The following BRD1 variants were observed in gnomAD, a reference collection of about 807,000 sequenced individuals.
The protein encoded by BRD1 is bromodomain-containing protein 1.
In BRD1, 24 loss-of-function variants were observed where a neutral mutation model predicts 107.7. The observed-to-expected ratio is 0.22, with a 90% CI of 0.16 to 0.31. The LOEUF (loss-of-function observed/expected upper bound fraction) is 0.31, where lower values mean the gene tolerates loss of function less well. BRD1 is among the 10% of genes least tolerant of loss of function. The pLI is 1.00. For missense variants in BRD1, 1,279 were observed against 1,638.6 expected (o/e 0.78, Z 3.79); for synonymous variants, 744 against 686.1 (o/e 1.08, Z -1.32).
intron 6 of BRD1, among the ~76,000 whole-genome samples, chr22:49,796,343 C>T (rs1231984172): frequency 3.3e-5 from 5 of 150,142 alleles, no homozygotes; most frequent in Non-Finnish European, 5.9e-5. Flanking sequence ...ATCCACCCGC[C>T]TCGGCCTCTC....
intron 8 of BRD1, among the ~76,000 whole-genome samples, chr22:49,782,818 G>A (rs993579194): frequency 2.2e-5 from 3 of 138,494 alleles, no homozygotes; most frequent in South Asian, 2.4e-4. Context: ...CAGCTGGGAC[G>A]GTCAGAGACA....
At chr22:49,818,692 C>T (rs2060003577) in intron 2 of BRD1, among the ~76,000 whole-genome samples, 1 of 152,050 alleles carries the variant, frequency 6.6e-6, no homozygotes, top group South Asian at 2.1e-4. Context: ...TCAAGACCAT[C>T]CTGGCTAACA....
chr22:49,797,861 A>G lies in BRD1; in HGVS notation c.2042T>C (p.Met681Thr), dbSNP rs1281657658. 1.2e-6 allele frequency: 2 copies of G among 1,612,772 alleles called. No homozygotes were observed. Among genetic ancestry groups the G allele is most frequent in the Non-Finnish European group, 1.7e-6 (2 of 1,179,886 alleles). Residue 681 changes from methionine to threonine, a missense_variant, in exon 6 of 13, where the codon ATG becomes ACG. Met to Thr is a moderately conservative substitution (Grantham distance 81, BLOSUM62 -1). Transcript: ENST00000404760. ...CGCAGCAGGCCGCTCAGGCAGGTGCATCCCCGAGGCCTCTTCCAAGCCGAT... is the reference window on the plus strand; with the variant it reads ...CGCAGCAGGCCGCTCAGGCAGGTGCGTCCCCGAGGCCTCTTCCAAGCCGAT... ...DSIGLEEASG[M>T]HLPERPAAAP...
At chr22:49,777,220 G>A (rs1569082361) in intron 9 of BRD1, 59 bp from the exon 10 acceptor site, 8 of 1,597,068 alleles carry the variant, frequency 5.0e-6, no homozygotes, top group African/African-American at 4.0e-5. Context: ...GCCTCACTCG[G>A]GCTTCGTCCC....
At chr22:49,775,521 C>A in intron 12 of BRD1, 70 bp downstream of exon 12, 1 of 1,291,040 alleles carries the variant, frequency 7.7e-7, no homozygotes, top group Non-Finnish European at 9.9e-7. Flanking sequence ...CACAGGGACA[C>A]TCAGGTCACC....
At chr22:49,775,354 G>A (rs2059060520) in intron 12 of BRD1, 1 of 345,282 alleles carries the variant, frequency 2.9e-6, no homozygotes, top group African/African-American at 2.1e-5. Flanking sequence ...GCGAGAGGGA[G>A]AGGAAGCCAT....
chr22:49,827,468 C>T (rs902201708), intron 1 of BRD1, 29 bp downstream of exon 1: 2 of 143,954 alleles, frequency 1.4e-5, no homozygotes, highest in Non-Finnish European at 3.1e-5. Context: ...GGCGGGGAGG[C>T]CTCCCCGGCC....
intron 2 of BRD1, among the ~76,000 whole-genome samples, chr22:49,822,705 G>A (rs1055238087): frequency 3.3e-5 from 5 of 151,482 alleles, no homozygotes; most frequent in African/African-American, 7.3e-5. Context: ...GTAAAACTCC[G>A]TCTCCAAAAA....
intron 2 of BRD1, chr22:49,805,870 T>C (rs2059735193): frequency 6.6e-6 from 1 of 152,056 alleles, no homozygotes; most frequent in African/African-American, 2.4e-5. Context: ...GCCTCCCTAG[T>C]AGCTGGGACT....
At position 49,787,499 on chromosome 22, in the gene BRD1, A is replaced by G. The variant is rs17854473; in HGVS notation, c.2748T>C (p.Ser916=). 1.9e-6 allele frequency: 3 copies of G among 1,614,164 alleles called. No individual in the cohort carries two copies. The highest frequency in any genetic ancestry group is 2.5e-6 in the Non-Finnish European group (3 of 1,180,008). ...SPQLGTKTFL[S]VVLPRLETLL... ...GAGTCTCCAACCTCGGAAGGACTAC[A>G]GACAAAAAGGTTTTGGTCCCTAGCT... is the stretch of plus-strand genomic sequence containing the variant. Residue 916 remains serine, a synonymous_variant, in exon 8 of 13, where the codon TCT becomes TCC. Transcript: ENST00000404760.
At position 49,775,739 on chromosome 22, in the gene BRD1, C is replaced by T. The variant is rs750190219; in HGVS notation, c.3238G>A (p.Asp1080Asn). The T allele has an allele frequency of 1.2e-5, 19 of 1,601,106 alleles. No individual in the cohort carries two copies. Among genetic ancestry groups the T allele is most frequent in the South Asian group, 3.3e-5 (3 of 90,018 alleles). Residue 1080 changes from aspartate to asparagine, a missense_variant, in exon 12 of 13, where the codon GAC becomes AAC. Around this residue, in one of 7 missense-constraint regions of BRD1, gnomAD observed 136 missense variants for 196.8 expected, o/e 0.69. Transcript: ENST00000404760. ...GYPSYPALIIDPKMPRVPGHH... is the reference protein window; with the variant it reads ...GYPSYPALIINPKMPRVPGHH... ...CCAGGCACACGGGGCATCTTGGGGTCGATGATCTGCACGAGAAGGACCCGC... is the reference window on the plus strand; with the variant it reads ...CCAGGCACACGGGGCATCTTGGGGTTGATGATCTGCACGAGAAGGACCCGC...
Position 49,794,210 on chromosome 22 carries a change from G to T in BRD1, c.2183C>A (p.Thr728Asn). 1 of 1,614,200 alleles carries T rather than the reference G, an allele frequency of 6.2e-7. No homozygotes were observed. The highest frequency in any genetic ancestry group is 8.5e-7 in the Non-Finnish European group (1 of 1,180,042). ...LRELLDMLDLTCAMKSSGSRS... is the reference protein window; with the variant it reads ...LRELLDMLDLNCAMKSSGSRS... ...GGAGCCGCTGGACTTCATAGCGCAGGTGAGGTCGAGCATGTCCAGCAGCTC... is the reference window on the plus strand; with the variant it reads ...GGAGCCGCTGGACTTCATAGCGCAGTTGAGGTCGAGCATGTCCAGCAGCTC... The change falls in exon 7 of 13, where the codon ACC (threonine) becomes AAC (asparagine). Residue 728 changes from threonine (T) to asparagine (N), a missense_variant. Physicochemically the swap from Thr to Asn is moderately conservative, Grantham distance 65 (BLOSUM62 0). Around this residue, in one of 7 missense-constraint regions of BRD1, gnomAD observed 406 missense variants for 519.4 expected, o/e 0.78. Coordinates refer to ENST00000404760, the MANE Select transcript of BRD1 (RefSeq NM_001304808.3).
At chr22:49,788,054 C>A (rs1053097527) in intron 7 of BRD1, among the ~76,000 whole-genome samples, 167 bp from the exon 8 acceptor site, 1 of 152,242 alleles carries the variant, frequency 6.6e-6, no homozygotes. Flanking sequence ...TCGGGCCACA[C>A]TGTGTGTGCT....
intron 2 of BRD1, among the ~76,000 whole-genome samples, chr22:49,811,783 CA>C (rs537847723): frequency 6.6e-6 from 1 of 152,358 alleles, no homozygotes; most frequent in East Asian, 1.9e-4. Flanking sequence ...AAAATTCCCC[CA>C]CGGGCGGCAG....
At chr22:49,816,347 A>C (rs992271452) in intron 2 of BRD1, among the ~76,000 whole-genome samples, 1 of 152,050 alleles carries the variant, frequency 6.6e-6, no homozygotes, top group South Asian at 2.1e-4. Flanking sequence ...CGCCTCAATT[A>C]AAAGAACAAA....
chr22:49,777,123 A>T lies in BRD1; in HGVS notation c.3032T>A (p.Leu1011His), dbSNP rs1569082127. The T allele has an allele frequency of 6.2e-7, 1 of 1,613,338 alleles. No homozygotes were observed. Among genetic ancestry groups the T allele is most frequent in the Non-Finnish European group, 8.5e-7 (1 of 1,179,996 alleles). ...APKCGRGKPALVRRHTLEDRS... is the reference protein window; with the variant it reads ...APKCGRGKPAHVRRHTLEDRS... ...GTCCTCCAGCGTGTGCCGTCGCACA[A>T]GAGCCGGTTTGCCCCGCCCACATTT... The change falls in exon 10 of 13, where the codon CTT (leucine) becomes CAT (histidine). Residue 1011 changes from leucine to histidine, a missense_variant. By Grantham distance (99) the Leu-to-His change is moderately conservative. Coordinates refer to ENST00000404760, the MANE Select transcript of BRD1 (RefSeq NM_001304808.3).
chr22:49,775,628 G>A lies in BRD1; in HGVS notation c.3349C>T (p.Leu1117=). The A allele has an allele frequency of 6.2e-7, 1 of 1,612,814 alleles. No homozygotes were observed. The highest frequency in any genetic ancestry group is 8.5e-7 in the Non-Finnish European group (1 of 1,179,382). Residue 1117 remains leucine, a synonymous_variant, in exon 12 of 13, where the codon CTG becomes TTG. Transcript: ENST00000404760. ...EHMQTKSDEK[L]FLVLFFDNKR... ...TTATCAAAAAAGAGAACGAGGAACAGCTTCTCATCAGACTTGGTCTGCATG... is the reference window on the plus strand; with the variant it reads ...TTATCAAAAAAGAGAACGAGGAACAACTTCTCATCAGACTTGGTCTGCATG...
intron 6 of BRD1, among the ~76,000 whole-genome samples, chr22:49,796,505 C>T (rs1484986722): frequency 2.0e-5 from 3 of 152,026 alleles, no homozygotes; most frequent in African/African-American, 7.3e-5. Flanking sequence ...TACAGGCATG[C>T]GCCACCATGC....
Position 49,798,985 on chromosome 22 carries a change from C to G in BRD1, c.1656+3G>C, listed in dbSNP as rs751494822. The G allele has an allele frequency of 6.2e-6, 10 of 1,602,826 alleles. No homozygotes were observed. Among genetic ancestry groups the G allele is most frequent in the Non-Finnish European group, 8.5e-6 (10 of 1,175,314 alleles). The stretch of plus-strand genomic sequence containing the variant: ...ACTCCACGCGGGACAGGCCCAGCCC[C>G]ACCTGCTCACGCTTGAGCTTCTCCC... On this transcript the variant is annotated splice_donor_region_variant and intron_variant, in intron 4 of 12. Transcript: ENST00000404760.
Sources: gnomAD v4.1 joint callset for allele counts (sites outside exome capture counted in the v4.1 genomes callset) on GRCh38, gnomAD v4.1.1 for gene constraint, gnomAD v4.1.1 regional missense constraint, MANE v1.5 for transcripts, NCBI Gene and HGNC (gene_info 2026-07-23, HGNC 2026-07-21) for gene names.